CMSS1: variants seen among roughly 807,000 people sequenced by gnomAD.
The protein encoded by CMSS1 is cms1 ribosomal small subunit homolog.
Under a neutral mutation model 43.5 loss-of-function variants are expected in CMSS1, and 33 were observed. That is an observed-to-expected ratio of 0.76 (90% CI 0.57 to 1.01). The LOEUF (loss-of-function observed/expected upper bound fraction) is 1.01. Among genes scored for constraint, CMSS1 ranks in the 50% least tolerant of loss-of-function variants. CMSS1 has a pLI of 0.00. For missense variants in CMSS1, 313 were observed against 326.4 expected (o/e 0.96, Z 0.32); for synonymous variants, 115 against 117.2 (o/e 0.98, Z 0.12).
intron 1 of CMSS1, among the ~76,000 whole-genome samples, chr3:99,940,996 TC>T (rs1707833695): frequency 6.6e-6 from 1 of 152,244 alleles, no homozygotes; most frequent in Admixed American, 6.5e-5. Context: ...GGCTCCCCTT[TC>T]CCAGCATCTC....
intron 1 of CMSS1, among the ~76,000 whole-genome samples, chr3:99,894,895 T>C (rs1350150698): frequency 4.6e-5 from 7 of 152,222 alleles, no homozygotes; most frequent in Non-Finnish European, 1.0e-4. Flanking sequence ...TATATTTAGG[T>C]CAGCTAGCTT....
chr3:100,057,728 G>T (rs974501694), intron 1 of CMSS1, among the ~76,000 whole-genome samples: 3 of 152,144 alleles, frequency 2.0e-5, no homozygotes, highest in East Asian at 1.9e-4. Context: ...GCATGCATTT[G>T]GTCGCAGAAG....
chr3:99,849,236 T>C, intron 1 of CMSS1: 1 of 1,614,152 alleles, frequency 6.2e-7, no homozygotes, highest in Non-Finnish European at 8.5e-7. Flanking sequence ...GGAATGAGGC[T>C]CTTGTAATCA....
intron 2 of CMSS1, among the ~76,000 whole-genome samples, 163 bp downstream of exon 2, chr3:100,147,224 T>C (rs1438892172): frequency 1.3e-5 from 2 of 152,078 alleles, no homozygotes; most frequent in African/African-American, 4.8e-5. Context: ...GCTTCCTTCA[T>C]TGTAAACCAG....
intron 1 of CMSS1, among the ~76,000 whole-genome samples, chr3:99,922,443 T>C (rs904320992): frequency 2.0e-5 from 3 of 152,126 alleles, no homozygotes; most frequent in African/African-American, 7.2e-5. Context: ...CTGCCCCCTC[T>C]CTGCCGTGTA....
chr3:99,901,011 G>T (rs147702065), intron 1 of CMSS1, among the ~76,000 whole-genome samples: 6 of 152,212 alleles, frequency 3.9e-5, no homozygotes, highest in African/African-American at 1.2e-4. Flanking sequence ...GCTTCTTATT[G>T]ATAATTATGA....
At chr3:100,063,529 G>T (rs2065610350) in intron 1 of CMSS1, among the ~76,000 whole-genome samples, 2 of 151,964 alleles carry the variant, frequency 1.3e-5, no homozygotes, top group African/African-American at 2.4e-5. Flanking sequence ...AAATTTAAAG[G>T]CTCCTAAGCT....
rs2067178933 is a variant in CMSS1 at position 100,180,637 on chromosome 3, C to CGG, written c.*2249_*2250insGG. 1 of 152,474 alleles carries CGG rather than the reference C, an allele frequency of 6.6e-6. No individual in the cohort carries two copies. The highest frequency in any genetic ancestry group is 1.5e-5 in the Non-Finnish European group (1 of 68,256). The allele number at this position is 152,474 out of a possible 1,614,324, so 9.4% of individuals were successfully genotyped here. ...CCACCTCAGCCTGGACTTCATTGTC[C>CGG]ATATCACTATCAGCATTTTGGTCAA... On this transcript the variant is annotated 3_prime_UTR_variant, in exon 10 of 10. Coordinates refer to ENST00000421999, the MANE Select transcript of CMSS1 (RefSeq NM_032359.4).
At position 100,021,960 on chromosome 3, in the gene CMSS1, T is replaced by TGTGA. The variant is rs1321185364; in HGVS notation, c.65-125012_65-125011insTGAG. Among the ~76,000 whole-genome samples the TGTGA allele has an allele frequency of 3.5e-3, 329 of 93,284 alleles. 1 individual carries two copies. The highest frequency in any genetic ancestry group is 0.011 in the African/African-American group (282 of 24,828). 61.2% of individuals were successfully genotyped at this position (93,284 alleles called of 152,430 possible). A position where few individuals can be genotyped will look rare whatever the true frequency, so the allele number is the denominator to read the frequency against. On this transcript the variant is annotated intron_variant, in intron 1 of 9. Coordinates refer to ENST00000421999, the MANE Select transcript of CMSS1 (RefSeq NM_032359.4). ...GTGTGTGTGTGTGTGTGTGTGTGTG[T>TGTGA]GAGAGAGAGAGAGAGAGAGAGAGAG...
At chr3:99,977,391 C>T (rs1197619900) in intron 1 of CMSS1, among the ~76,000 whole-genome samples, 1 of 152,008 alleles carries the variant, frequency 6.6e-6, no homozygotes, top group Non-Finnish European at 1.5e-5. Flanking sequence ...AGCAGGGAAA[C>T]AAAGTAAGAG....
At chr3:99,891,336 T>G (rs981354546) in intron 1 of CMSS1, among the ~76,000 whole-genome samples, 1 of 152,214 alleles carries the variant, frequency 6.6e-6, no homozygotes, top group Admixed American at 6.5e-5. Flanking sequence ...GGCTTTGTAC[T>G]CTGTCTACAT....
intron 1 of CMSS1, among the ~76,000 whole-genome samples, chr3:99,983,531 AAG>A (rs1709235182): frequency 7.5e-6 from 1 of 133,784 alleles, no homozygotes; most frequent in Non-Finnish European, 1.6e-5. Context: ...CACACACAAA[AAG>A]AAAAAAATTA....
At chr3:100,037,983 T>C (rs2065139386) in intron 1 of CMSS1, among the ~76,000 whole-genome samples, 1 of 142,392 alleles carries the variant, frequency 7.0e-6, no homozygotes. Context: ...GAGTCTCAAA[T>C]CTCGCTCTGT....
rs1353041864 is a variant in CMSS1 at position 99,849,742 on chromosome 3, A to G, written c.64+31699A>G. On this transcript the variant is annotated intron_variant, in intron 1 of 9. Transcript: ENST00000421999. ...TTCTGTTTTCATGAGGTCATCCTCA[A>G]TGGCTTTCATGTCCTTTAGCTTCAG... 5 of 1,613,650 alleles carry G rather than the reference A, an allele frequency of 3.1e-6. No individual in the cohort carries two copies. The highest frequency in any genetic ancestry group is 1.3e-5 in the African/African-American group (1 of 74,926).
chr3:100,007,605 G>A (rs1490973005), intron 1 of CMSS1, among the ~76,000 whole-genome samples: 1 of 152,188 alleles, frequency 6.6e-6, no homozygotes, highest in Non-Finnish European at 1.5e-5. Context: ...GAGAGGCCCA[G>A]AATTGGCCCA....
At chr3:99,930,111 G>T in intron 1 of CMSS1, 1 of 1,152,242 alleles carries the variant, frequency 8.7e-7, no homozygotes. Context: ...AGTTGGCAGT[G>T]CTTTTTCTTC....
intron 1 of CMSS1, among the ~76,000 whole-genome samples, chr3:99,950,168 G>C (rs1708133215): frequency 6.6e-6 from 1 of 152,120 alleles, no homozygotes; most frequent in African/African-American, 2.4e-5. Context: ...ACTGTAGATA[G>C]GACTTTTTTC....
intron 1 of CMSS1, among the ~76,000 whole-genome samples, chr3:99,993,648 T>A (rs1709588980): frequency 6.6e-6 from 1 of 152,164 alleles, no homozygotes; most frequent in Non-Finnish European, 1.5e-5. Context: ...TAATGTGTGT[T>A]CCTTCTATGC....
intron 1 of CMSS1, among the ~76,000 whole-genome samples, chr3:99,932,119 GTTT>G (rs924678375): frequency 1.3e-5 from 2 of 152,080 alleles, no homozygotes; most frequent in Admixed American, 6.5e-5. Flanking sequence ...TTAGAAAACA[GTTT>G]TTAAGTACTG....
Sources: gnomAD v4.1 joint callset for allele counts (sites outside exome capture counted in the v4.1 genomes callset) on GRCh38, gnomAD v4.1.1 for gene constraint, MANE v1.5 for transcripts, NCBI Gene and HGNC (gene_info 2026-07-23, HGNC 2026-07-21) for gene names.